Variants in GNAO1 observed in about 807,000 individuals in gnomAD.
The protein encoded by GNAO1 is G protein subunit alpha o1.
For synonymous variants in GNAO1, 164 were observed against 180.7 expected, an observed-to-expected ratio of 0.91 and a Z score of 0.74; for missense variants, 166 against 478.7, an observed-to-expected ratio of 0.35 and a Z score of 6.10.
chr16:56,323,083 G>A (rs2037592721), intron 3 of GNAO1, among the ~76,000 whole-genome samples: 1 of 152,090 alleles, frequency 6.6e-6, no homozygotes, highest in African/African-American at 2.4e-5. Context: ...AGATAGGGTG[G>A]GACTGAGACC....
At chr16:56,301,712 G>T (rs887528179) in intron 3 of GNAO1, 1 of 152,150 alleles carries the variant, frequency 6.6e-6, no homozygotes, top group Non-Finnish European at 1.5e-5. Flanking sequence ...GTGGAACACA[G>T]CTAAACCATT....
At chr16:56,226,829 C>T (rs1436151116) in intron 2 of GNAO1, among the ~76,000 whole-genome samples, 1 of 152,202 alleles carries the variant, frequency 6.6e-6, no homozygotes, top group Non-Finnish European at 1.5e-5. Flanking sequence ...CAGTAAATGA[C>T]AGAGCTGGAT....
intron 3 of GNAO1, among the ~76,000 whole-genome samples, chr16:56,281,279 GTC>G (rs1296816274): frequency 6.6e-6 from 1 of 152,096 alleles, no homozygotes; most frequent in African/African-American, 2.4e-5. Flanking sequence ...TTCATCCTAA[GTC>G]TCTCTAAGAA....
At chr16:56,312,145 C>A (rs1287098195) in intron 3 of GNAO1, among the ~76,000 whole-genome samples, 9 of 152,126 alleles carry the variant, frequency 5.9e-5, no homozygotes, top group Non-Finnish European at 1.3e-4. Context: ...TCTCGGAAGA[C>A]CAGGCCACTA....
At position 56,309,037 on chromosome 16, in the gene GNAO1, T is replaced by G. The variant is rs550732293; in HGVS notation, c.304-19594T>G. 4.6e-5 allele frequency among the ~76,000 whole-genome samples: 7 copies of G among 152,190 alleles called. No homozygotes were observed. In the South Asian group the frequency reaches 1.5e-3, roughly 32 times the overall value. On this transcript the variant is annotated intron_variant, in intron 3 of 8. Transcript: ENST00000262493. ...TTAGAGGCTTGGGAGGAAGCAGCCCTGGACTTGGTTTCTATGGCTCCCCGC... is the reference window on the plus strand; with the variant it reads ...TTAGAGGCTTGGGAGGAAGCAGCCCGGGACTTGGTTTCTATGGCTCCCCGC...
chr16:56,348,437 G>A (rs1371781157), intron 6 of GNAO1, among the ~76,000 whole-genome samples: 2 of 152,224 alleles, frequency 1.3e-5, no homozygotes, highest in Non-Finnish European at 2.9e-5. Flanking sequence ...GTCCTGGAGA[G>A]CTTGGTGGCC....
chr16:56,239,840 TAG>T (rs1304755985), intron 2 of GNAO1, among the ~76,000 whole-genome samples: 4 of 152,202 alleles, frequency 2.6e-5, no homozygotes, highest in Non-Finnish European at 5.9e-5. Context: ...TCACTAAAGA[TAG>T]AGACAGCACA....
At chr16:56,312,169 C>T (rs2037465823) in intron 3 of GNAO1, among the ~76,000 whole-genome samples, 1 of 152,196 alleles carries the variant, frequency 6.6e-6, no homozygotes, top group Non-Finnish European at 1.5e-5. Flanking sequence ...CACAGGGAAG[C>T]AGGGCTGCAC....
chr16:56,288,923 G>A lies in GNAO1; in HGVS notation c.303+12851G>A, dbSNP rs115685711. 5.1e-3 allele frequency among the ~76,000 whole-genome samples: 771 copies of A among 151,660 alleles called. 7 individuals are homozygous for A. The highest frequency in any genetic ancestry group is 0.018 in the African/African-American group (745 of 41,366). On this transcript the variant is annotated intron_variant, in intron 3 of 8. Transcript: ENST00000262493. ...GATCTGAGGAACGACACCGAAGATC[G>A]CCCCTCCCCCACCCTACCTCCTTTT...
At chr16:56,206,792 A>G (rs2036334465) in intron 2 of GNAO1, among the ~76,000 whole-genome samples, 2 of 152,246 alleles carry the variant, frequency 1.3e-5, no homozygotes, top group African/African-American at 4.8e-5. Flanking sequence ...GGTACATGGC[A>G]GGGAGCAAGT....
chr16:56,261,151 T>C (rs1294675370), intron 2 of GNAO1, among the ~76,000 whole-genome samples: 1 of 152,212 alleles, frequency 6.6e-6, no homozygotes, highest in Non-Finnish European at 1.5e-5. Context: ...GCATTCAGAC[T>C]TGCTTTTGGC....
intron 4 of GNAO1, among the ~76,000 whole-genome samples, chr16:56,331,821 C>G (rs1362788751): frequency 6.6e-6 from 1 of 152,184 alleles, no homozygotes; most frequent in Non-Finnish European, 1.5e-5. Context: ...CTGACTTCTG[C>G]CTACTCAGTG....
chr16:56,340,946 T>C (rs1172828885), intron 6 of GNAO1: 1 of 1,613,652 alleles, frequency 6.2e-7, no homozygotes, highest in Admixed American at 1.7e-5. Flanking sequence ...GAAGAGAAGA[T>C]CAAGAAGTCC....
Position 56,328,685 on chromosome 16 carries a change from T to G in GNAO1, c.358T>G (p.Phe120Val), listed in dbSNP as rs2037659527. ...GAGTCGGATGGAAGACACCGAGCCC[T>G]TCTCTGCAGAGCTGCTTTCTGCCAT... is the stretch of plus-strand genomic sequence containing the variant. ...VVSRMEDTEP[F>V]SAELLSAMMR... Residue 120 changes from phenylalanine to valine, a missense_variant, in exon 4 of 9, where the codon TTC becomes GTC. Coordinates refer to ENST00000262493, the MANE Select transcript of GNAO1 (RefSeq NM_020988.3). The G allele has an allele frequency of 1.9e-6, 3 of 1,614,226 alleles. No individual in the cohort carries two copies. The highest frequency in any genetic ancestry group is 2.5e-6 in the Non-Finnish European group (3 of 1,180,024).
intron 6 of GNAO1, chr16:56,343,785 C>G (rs376160640): frequency 2.5e-6 from 4 of 1,613,436 alleles, no homozygotes; most frequent in African/African-American, 2.7e-5. Flanking sequence ...TCACAGAAGC[C>G]GTGGCTTACA....
At chr16:56,194,715 T>G (rs2036216278) in intron 2 of GNAO1, among the ~76,000 whole-genome samples, 1 of 151,936 alleles carries the variant, frequency 6.6e-6, no homozygotes, top group Non-Finnish European at 1.5e-5. Flanking sequence ...GAGGCCAGAG[T>G]CTGCAAATTA....
At chr16:56,237,485 C>G (rs1313889657) in intron 2 of GNAO1, among the ~76,000 whole-genome samples, 1 of 152,140 alleles carries the variant, frequency 6.6e-6, no homozygotes, top group Non-Finnish European at 1.5e-5. Flanking sequence ...ACCATGCGTT[C>G]TGGTGGCCAC....
At chr16:56,270,013 GC>G (rs1237256437) in intron 2 of GNAO1, among the ~76,000 whole-genome samples, 9 of 152,160 alleles carry the variant, frequency 5.9e-5, no homozygotes, top group Admixed American at 5.9e-4. Context: ...AGCAAAGGGA[GC>G]CCAAGTCCAG....
At chr16:56,324,503 GC>G (rs2037610736) in intron 3 of GNAO1, among the ~76,000 whole-genome samples, 1 of 152,232 alleles carries the variant, frequency 6.6e-6, no homozygotes, top group Non-Finnish European at 1.5e-5. Context: ...CCCCAAGATT[GC>G]CCGAGGTCAG....
Sources: gnomAD v4.1 joint callset for allele counts (sites outside exome capture counted in the v4.1 genomes callset) on GRCh38, gnomAD v4.1.1 for gene constraint, MANE v1.5 for transcripts, NCBI Gene and HGNC (gene_info 2026-07-23, HGNC 2026-07-21) for gene names.